Variants in CXXC5 observed in about 807,000 individuals in gnomAD.
CXXC5 encodes CXXC-type zinc finger protein 5.
CXXC5 carries 2 observed loss-of-function variants against 17.6 expected under a neutral mutation model. The observed-to-expected ratio is 0.11, with a 90% CI of 0.05 to 0.36. The LOEUF is 0.36. Ranked by LOEUF, CXXC5 falls within the 10% of genes least tolerant of loss-of-function variation. The pLI, the probability that CXXC5 is intolerant of heterozygous loss-of-function variation, is 1.00. For synonymous variants in CXXC5, 171 were observed against 193.0 expected (o/e 0.89, Z 0.94); for missense variants, 343 against 458.3 (o/e 0.75, Z 2.30).
chr5:139,662,880 T>C (rs533643764), intron 1 of CXXC5, among the ~76,000 whole-genome samples: 66 of 152,208 alleles, frequency 4.3e-4, no homozygotes, highest in Non-Finnish European at 8.2e-4. Flanking sequence ...CTCATCTCTG[T>C]CTCAAAACCG....
upstream of CXXC5, chr5:139,647,426 T>C (rs922935434): frequency 3.9e-5 from 6 of 152,338 alleles, no homozygotes; most frequent in South Asian, 2.1e-4. Context: ...GCCCGGGGCT[T>C]GCACCATGGG....
chr5:139,651,194 G>C (rs781546344), intron 1 of CXXC5: 6 of 152,402 alleles, frequency 3.9e-5, no homozygotes, highest in Admixed American at 1.3e-4. Context: ...ACAGACCCTT[G>C]GCTGGCTGGC....
Position 139,680,377 on chromosome 5 carries a change from C to T in CXXC5, c.-147C>T, listed in dbSNP as rs1757111071. 1.7e-6 allele frequency: 2 copies of T among 1,188,836 alleles called. No individual in the cohort carries two copies. Among genetic ancestry groups the T allele is most frequent in the Non-Finnish European group, 2.3e-6 (2 of 874,532 alleles). The allele number at this position is 1,188,836 out of a possible 1,614,324, so 73.6% of individuals were successfully genotyped here. On this transcript the variant is annotated 5_prime_UTR_variant, in exon 2 of 3. Transcript: ENST00000302517. Reference sequence around the variant, plus strand: ...CTCTTGTGACAGAGTGAAGACATTTCCACCTGGACACCTGACCATGTGCCT... The same window carrying T: ...CTCTTGTGACAGAGTGAAGACATTTTCACCTGGACACCTGACCATGTGCCT...
intron 1 of CXXC5, among the ~76,000 whole-genome samples, chr5:139,667,819 G>A (rs1158149852): frequency 6.6e-6 from 1 of 152,200 alleles, no homozygotes; most frequent in Middle Eastern, 3.2e-3. Context: ...AAGAGATCAC[G>A]CATATGTTGT....
rs76039944 is a variant in CXXC5 at position 139,661,673 on chromosome 5, A to C, written c.-161+12828A>C. ...AGCTTACCCCTAGATGATGCCATAG[A>C]GTGGGCCAGGGCACTGGCACACACA... is the stretch of plus-strand genomic sequence containing the variant. On this transcript the variant is annotated intron_variant, in intron 1 of 2. Transcript: ENST00000302517. This position sits in a 1 kb window ranked among gnomAD's most constrained non-coding sequence, Gnocchi z 4.7. Among the ~76,000 whole-genome samples, 2,184 of 152,336 alleles carry C rather than the reference A, an allele frequency of 0.014. 51 individuals carry two copies. The highest frequency in any genetic ancestry group is 0.05 in the African/African-American group (2,059 of 41,580).
Position 139,670,096 on chromosome 5 carries a change from G to A in CXXC5, c.-160-10268G>A, listed in dbSNP as rs537067719. Reference sequence around the variant, plus strand: ...TCTGTCAAGGTCAGATAGCGACTCCGGAACCAGCCGGCTCGGCCCCATGGC... The same window carrying A: ...TCTGTCAAGGTCAGATAGCGACTCCAGAACCAGCCGGCTCGGCCCCATGGC... On this transcript the variant is annotated intron_variant, in intron 1 of 2. Transcript: ENST00000302517. The surrounding 1 kb of genome is among the most constrained non-coding windows in gnomAD (Gnocchi z 4.2). Among the ~76,000 whole-genome samples, 3 of 152,322 alleles carry A rather than the reference G, an allele frequency of 2.0e-5. No homozygotes were observed. The highest frequency in any genetic ancestry group is 1.9e-4 in the East Asian group (1 of 5,188).
chr5:139,654,370 G>A (rs980084907), intron 1 of CXXC5, among the ~76,000 whole-genome samples: 4 of 152,204 alleles, frequency 2.6e-5, no homozygotes, highest in African/African-American at 9.7e-5. Context: ...ATTTGGGCCA[G>A]TTGTGTTATC....
chr5:139,652,330 C>T, intron 1 of CXXC5, among the ~76,000 whole-genome samples: 1 of 152,174 alleles, frequency 6.6e-6, no homozygotes, highest in East Asian at 1.9e-4. Flanking sequence ...GAATATCCCA[C>T]TAAAGTTTTT....
Position 139,681,435 on chromosome 5 carries a change from C to A in CXXC5, c.912C>A (p.Ser304=). ...GTGAGGAACTCAAAAAGAAGCCTTC[C>A]GCTGCTCTGGAGGTAACGGCGCCTT... is the stretch of plus-strand genomic sequence containing the variant. ...RKCEELKKKP[S]AALEKVMLPT... is the part of the protein sequence containing the mutation. The change falls in exon 2 of 3, where the codon TCC becomes TCA. Residue 304 remains serine (S), a synonymous_variant. Coordinates refer to ENST00000302517, the MANE Select transcript of CXXC5 (RefSeq NM_016463.9). The A allele has an allele frequency of 6.3e-7, 1 of 1,577,128 alleles. No individual in the cohort carries two copies. The highest frequency in any genetic ancestry group is 1.2e-5 in the South Asian group (1 of 86,170).
intron 1 of CXXC5, among the ~76,000 whole-genome samples, chr5:139,656,899 A>G (rs902174407): frequency 2.0e-5 from 3 of 151,828 alleles, no homozygotes; most frequent in African/African-American, 7.3e-5. Context: ...TAATTTTTGT[A>G]TTTTTAGTAG....
rs758869772 is a variant in CXXC5, at chr5:139,680,673, A to G, written c.150A>G (p.Ala50=). 2 of 1,613,300 alleles carry G rather than the reference A, an allele frequency of 1.2e-6. No individual in the cohort carries two copies. The highest frequency in any genetic ancestry group is 1.1e-5 in the South Asian group (1 of 91,088). Residue 50 remains alanine (A), a synonymous_variant, in exon 2 of 3, where the codon GCA becomes GCG. Transcript: ENST00000302517. ...VVAAAAPASV[A]DDTPPPERRN... Reference sequence around the variant, plus strand: ...CTGCCGCCGCACCAGCCTCAGTGGCAGATGACACACCACCCCCCGAGCGTC... The same window carrying G: ...CTGCCGCCGCACCAGCCTCAGTGGCGGATGACACACCACCCCCCGAGCGTC...
intron 1 of CXXC5, among the ~76,000 whole-genome samples, chr5:139,655,409 C>G (rs1755436188): frequency 6.7e-6 from 1 of 149,764 alleles, no homozygotes; most frequent in Non-Finnish European, 1.5e-5. Flanking sequence ...CCAGCCCACA[C>G]AGCCCCCTTT....
intron 1 of CXXC5, among the ~76,000 whole-genome samples, chr5:139,677,857 G>A (rs926639615): frequency 3.9e-5 from 6 of 152,264 alleles, no homozygotes; most frequent in Admixed American, 2.6e-4. Flanking sequence ...AGCCCTGAGC[G>A]CAGGCCGGCT....
chr5:139,662,613 A>T (rs1755884433), intron 1 of CXXC5, among the ~76,000 whole-genome samples: 1 of 152,188 alleles, frequency 6.6e-6, no homozygotes, highest in Non-Finnish European at 1.5e-5. Context: ...ACTCAGGCCC[A>T]GTTGGGCTCC....
At position 139,653,203 on chromosome 5, in the gene CXXC5, AGGGAGACAGGCTGGGGCTG is replaced by A. The variant is rs534148678; in HGVS notation, c.-161+4362_-161+4380del. 4.6e-5 allele frequency among the ~76,000 whole-genome samples: 7 copies of A among 152,314 alleles called. No homozygotes were observed. In the East Asian group the frequency reaches 1.4e-3, roughly 29 times the overall value. On this transcript the variant is annotated intron_variant, in intron 1 of 2. Transcript: ENST00000302517. ...CTGCTGGGAGTTTTGGAAGCCGCAG[AGGGAGACAGGCTGGGGCTG>A]GGGTGACAGCGTGTATCCACGGCAA... is the stretch of plus-strand genomic sequence containing the variant.
intron 1 of CXXC5, among the ~76,000 whole-genome samples, chr5:139,672,275 G>A (rs903811345): frequency 1.3e-5 from 2 of 152,202 alleles, no homozygotes; most frequent in Non-Finnish European, 2.9e-5. Flanking sequence ...GCACCACCAC[G>A]CTCGGCTAAT....
chr5:139,655,349 A>G (rs1041781007), intron 1 of CXXC5, among the ~76,000 whole-genome samples: 2 of 151,922 alleles, frequency 1.3e-5, no homozygotes, highest in Non-Finnish European at 2.9e-5. Flanking sequence ...TTTGTCACTC[A>G]CTGGCCTAGC....
At chr5:139,677,720 G>A (rs1222022007) in intron 1 of CXXC5, among the ~76,000 whole-genome samples, 3 of 152,204 alleles carry the variant, frequency 2.0e-5, no homozygotes, top group African/African-American at 7.2e-5. Context: ...GGGTGGGTGG[G>A]CCCTGAAGAA....
At position 139,648,356 on chromosome 5, in the gene CXXC5, G is replaced by C. The variant is rs891409587; in HGVS notation, c.-650G>C. The C allele has an allele frequency of 1.3e-5, 2 of 157,530 alleles. No homozygotes were observed. The highest frequency in any genetic ancestry group is 2.8e-5 in the Non-Finnish European group (2 of 71,904). The allele number at this position is 157,530 out of a possible 1,614,324, so 9.8% of individuals were successfully genotyped here. ...CCCGGGCGGGCGCGCGGCGGCGGCG[G>C]CAGAGGCGGCTGAGCCTGAGCGGGG... On this transcript the variant is annotated 5_prime_UTR_variant, in exon 1 of 3. Transcript: ENST00000302517.
Sources: allele counts gnomAD v4.1 joint callset (sites outside exome capture counted in the v4.1 genomes callset), GRCh38; gene constraint gnomAD v4.1.1; non-coding constraint Gnocchi (gnomAD v3.1); transcripts MANE v1.5; gene names NCBI Gene and HGNC (gene_info 2026-07-23, HGNC 2026-07-21).